The following OCA2 variants were observed in gnomAD, a reference collection of about 807,000 sequenced individuals.
The protein encoded by OCA2 is P protein.
In OCA2, 77 loss-of-function variants were observed where a neutral mutation model predicts 100.2. The observed-to-expected ratio is 0.77, with a 90% CI of 0.64 to 0.93. The LOEUF (loss-of-function observed/expected upper bound fraction) is 0.93. Ranked by LOEUF, OCA2 falls within the 40% of genes least tolerant of loss-of-function variation. The probability of loss-of-function intolerance (pLI) is 0.00; values close to 1 mark genes in which losing one functional copy is unlikely to be tolerated. For missense variants in OCA2, 1,062 were observed against 1,089.1 expected (o/e 0.98, Z 0.35); for synonymous variants, 432 against 439.2 (o/e 0.98, Z 0.21).
intron 1 of OCA2, among the ~76,000 whole-genome samples, chr15:28,094,433 A>T (rs2044931299): frequency 6.6e-6 from 1 of 152,138 alleles, no homozygotes; most frequent in African/African-American, 2.4e-5. Flanking sequence ...CACAGGGCGG[A>T]GTATGCCACA....
intron 18 of OCA2, among the ~76,000 whole-genome samples, chr15:27,931,732 A>G (rs1051226133): frequency 6.6e-6 from 1 of 152,254 alleles, no homozygotes; most frequent in Non-Finnish European, 1.5e-5. Flanking sequence ...GCTTAAATAT[A>G]GATTATTTTC....
Position 27,755,325 on chromosome 15 carries a change from T to G in OCA2, c.*63A>C, listed in dbSNP as rs554977696. 2.3e-4 allele frequency: 294 copies of G among 1,280,568 alleles called. 1 individual carries two copies. The African/African-American group carries it at 4.0e-3, about 17-fold the overall frequency. 79.3% of individuals were successfully genotyped at this position (1,280,568 alleles called of 1,614,324 possible). ...TCAAACAGTGGGGTCAGGGTAGTTT[T>G]ATGACTAATGGGTTGTGATGGATGA... On this transcript the variant is annotated 3_prime_UTR_variant, in exon 24 of 24. Transcript: ENST00000354638.
intron 14 of OCA2, 70 bp downstream of exon 14, chr15:27,983,275 T>C (rs1383866266): frequency 2.5e-6 from 4 of 1,581,454 alleles, no homozygotes; most frequent in Non-Finnish European, 2.6e-6. Flanking sequence ...AAGGCGTCCA[T>C]GTGGGGTAGA....
intron 19 of OCA2, among the ~76,000 whole-genome samples, chr15:27,904,505 A>T (rs1318241090): frequency 6.6e-6 from 1 of 152,088 alleles, no homozygotes; most frequent in Non-Finnish European, 1.5e-5. Flanking sequence ...GCAGCCCCAG[A>T]GAAGAAGAGG....
intron 15 of OCA2, among the ~76,000 whole-genome samples, chr15:27,965,555 T>C (rs936539983): frequency 1.3e-5 from 2 of 152,234 alleles, no homozygotes; most frequent in Non-Finnish European, 2.9e-5. Flanking sequence ...GGCAGGACCA[T>C]GTCGTGGCCT....
the OCA2 span, among the ~76,000 whole-genome samples, chr15:27,737,387 C>T: frequency 6.6e-6 from 1 of 152,170 alleles, no homozygotes; most frequent in African/African-American, 2.4e-5. Context: ...AAGGCTTACA[C>T]CTCAGCATAT....
At chr15:28,081,406 G>T (rs2044618347) in intron 2 of OCA2, among the ~76,000 whole-genome samples, 1 of 152,114 alleles carries the variant, frequency 6.6e-6, no homozygotes, top group Admixed American at 6.5e-5. Flanking sequence ...TATATTAAGT[G>T]TTAAGTCTTC....
the OCA2 span, among the ~76,000 whole-genome samples, chr15:27,735,893 G>A: frequency 6.6e-6 from 1 of 152,172 alleles, no homozygotes; most frequent in African/African-American, 2.4e-5. Context: ...GCTCAAAGGA[G>A]TTATTTAAGC....
chr15:27,755,581 A>G (rs1006865482), intron 23 of OCA2, 109 bp from the exon 24 acceptor site: 7 of 790,272 alleles, frequency 8.9e-6, no homozygotes, highest in Non-Finnish European at 1.3e-5. Flanking sequence ...CATTTTCACA[A>G]TGGCCACTAC....
intron 14 of OCA2, among the ~76,000 whole-genome samples, chr15:27,982,778 G>A (rs1345107733): frequency 6.6e-6 from 1 of 152,158 alleles, no homozygotes; most frequent in East Asian, 1.9e-4. Flanking sequence ...AAAGAGTAGA[G>A]AATAAAAATT....
intron 6 of OCA2, among the ~76,000 whole-genome samples, chr15:28,018,961 T>G (rs568994613): frequency 1.3e-4 from 20 of 152,276 alleles, no homozygotes; most frequent in African/African-American, 4.3e-4. Context: ...AAACCTAGCA[T>G]CAAAACACCA....
At chr15:27,740,637 C>T in the OCA2 span, among the ~76,000 whole-genome samples, 1 of 152,256 alleles carries the variant, frequency 6.6e-6, no homozygotes, top group African/African-American at 2.4e-5. Context: ...TTCTAAGGAC[C>T]TCATGGGGAG....
Position 28,027,996 on chromosome 15 carries a change from G to A in OCA2, c.390C>T (p.Ser130=), listed in dbSNP as rs2042807114. ...GGTATCTTCGCTCCCAGTCAGCAGA[G>A]CTGTCTTCCCAAGACTCTTCAGCAG... ...FITAEESWED[S]SADWERRYLL... Residue 130 remains serine (S), a synonymous_variant, in exon 4 of 24, where the codon AGC becomes AGT. Coordinates refer to ENST00000354638, the MANE Select transcript of OCA2 (RefSeq NM_000275.3). The A allele has an allele frequency of 1.9e-6, 3 of 1,614,108 alleles. No homozygotes were observed. The highest frequency in any genetic ancestry group is 3.3e-4 in the Middle Eastern group (2 of 6,084).
chr15:27,939,217 A>T (rs537394305), intron 18 of OCA2, among the ~76,000 whole-genome samples: 1 of 152,362 alleles, frequency 6.6e-6, no homozygotes, highest in South Asian at 2.1e-4. Flanking sequence ...TGTTTTCTTA[A>T]CTTACTTTTA....
At chr15:27,819,805 G>A (rs1048636971) in intron 23 of OCA2, among the ~76,000 whole-genome samples, 4 of 152,168 alleles carry the variant, frequency 2.6e-5, no homozygotes, top group Non-Finnish European at 5.9e-5. Context: ...ATGACATTCA[G>A]TATCAATGAG....
intron 2 of OCA2, among the ~76,000 whole-genome samples, chr15:28,036,845 G>A (rs1340729495): frequency 6.6e-6 from 1 of 152,184 alleles, no homozygotes; most frequent in Non-Finnish European, 1.5e-5. Flanking sequence ...ACCAGGCATG[G>A]AGGAAGAGGT....
chr15:28,084,774 A>G (rs1173663555), intron 1 of OCA2, among the ~76,000 whole-genome samples: 2 of 152,174 alleles, frequency 1.3e-5, no homozygotes, highest in Non-Finnish European at 2.9e-5. Flanking sequence ...GTGTTTTGTT[A>G]CAGGAGGCCC....
At chr15:27,945,911 G>T (rs1216803118) in intron 18 of OCA2, among the ~76,000 whole-genome samples, 1 of 152,026 alleles carries the variant, frequency 6.6e-6, no homozygotes, top group African/African-American at 2.4e-5. Flanking sequence ...CTTTTCACAG[G>T]TTCATAATCA....
At chr15:27,826,007 G>A (rs1217440752) in intron 23 of OCA2, among the ~76,000 whole-genome samples, 2 of 152,230 alleles carry the variant, frequency 1.3e-5, no homozygotes, top group East Asian at 1.9e-4. Flanking sequence ...GGGTGTGAGA[G>A]CTGAGAAGAT....
Sources: allele counts gnomAD v4.1 joint callset (sites outside exome capture counted in the v4.1 genomes callset), GRCh38; gene constraint gnomAD v4.1.1; transcripts MANE v1.5; gene names NCBI Gene and HGNC (gene_info 2026-07-23, HGNC 2026-07-21).